LRCH2: variants seen among roughly 807,000 people sequenced by gnomAD.
The protein encoded by LRCH2 is leucine-rich repeat and calponin homology domain-containing protein 2.
Under a neutral mutation model 68.9 loss-of-function variants are expected in LRCH2, and 38 were observed. The observed-to-expected ratio is 0.55, with a 90% confidence interval of 0.43 to 0.72. The LOEUF (loss-of-function observed/expected upper bound fraction) is 0.72, where lower values mean the gene tolerates loss of function less well. Ranked by LOEUF, LRCH2 falls within the 30% of genes least tolerant of loss-of-function variation. The probability of loss-of-function intolerance (pLI) is 0.00; values close to 1 mark genes in which losing one functional copy is unlikely to be tolerated. For missense variants in LRCH2, 528 were observed against 572.9 expected (o/e 0.92, Z 0.80); for synonymous variants, 191 against 208.1 (o/e 0.92, Z 0.71).
chrX:115,204,024 C>T (rs2072948433), intron 1 of LRCH2, among the ~76,000 whole-genome samples: 1 of 113,000 alleles, frequency 8.8e-6, no homozygotes, highest in African/African-American at 3.2e-5. Context: ...TACCATACAG[C>T]TTCTGAAATC....
At chrX:115,132,299 T>G (rs1015265704) in intron 14 of LRCH2, among the ~76,000 whole-genome samples, 1 of 111,877 alleles carries the variant, frequency 8.9e-6, no homozygotes, top group African/African-American at 3.2e-5. Context: ...TTTCTACATA[T>G]GGCTAGCTAG....
intron 14 of LRCH2, among the ~76,000 whole-genome samples, chrX:115,130,707 A>C: frequency 9.0e-6 from 1 of 111,663 alleles, no homozygotes; most frequent in East Asian, 2.8e-4. Flanking sequence ...AAATGTATAT[A>C]TTGATTGTTC....
rs1326573767 is a variant in LRCH2 at position 115,225,036 on chromosome X, G to A, written c.349+8657C>T. Among the ~76,000 whole-genome samples the A allele has an allele frequency of 4.5e-5, 5 of 112,328 alleles. No homozygotes were observed. The South Asian group carries it at 1.8e-3, about 41-fold the overall frequency. Reference sequence around the variant, plus strand: ...GATTCTTCTAGGCCTCTCTGAGCCTGTATTCCTTCCTTCTGACTGTGGGGC... The same window carrying A: ...GATTCTTCTAGGCCTCTCTGAGCCTATATTCCTTCCTTCTGACTGTGGGGC... On this transcript the variant is annotated intron_variant, in intron 1 of 20. Transcript: ENST00000317135.
Position 115,177,046 on chromosome X carries a change from CTTTTTTTTT to C in LRCH2, c.864+2372_864+2380del, listed in dbSNP as rs35686915. 3.0e-3 allele frequency among the ~76,000 whole-genome samples: 198 copies of C among 66,663 alleles called. 1 individual carries two copies. The highest frequency in any genetic ancestry group is 0.012 in the African/African-American group (167 of 14,043). The allele number at this position is 66,663 out of a possible 115,157, so 57.9% of individuals were successfully genotyped here. On this transcript the variant is annotated intron_variant, in intron 5 of 20. Coordinates refer to ENST00000317135, the MANE Select transcript of LRCH2 (RefSeq NM_020871.4). ...ACAAGTGTGAGCCACCGCACCCAGC[CTTTTTTTTT>C]TTTTTTTTTTTTTTTTTTAAAGACA...
At chrX:115,210,401 C>A (rs2072998712) in intron 1 of LRCH2, among the ~76,000 whole-genome samples, 1 of 112,212 alleles carries the variant, frequency 8.9e-6, no homozygotes, top group African/African-American at 3.2e-5. Flanking sequence ...CAAGCCTTGG[C>A]AGCTTCCATG....
chrX:115,227,504 A>G (rs2073126878), intron 1 of LRCH2, among the ~76,000 whole-genome samples: 1 of 109,543 alleles, frequency 9.1e-6, no homozygotes, highest in South Asian at 3.9e-4. Context: ...ATTCTTACAT[A>G]CTCATTAAGG....
chrX:115,191,556 C>G, intron 1 of LRCH2: 1 of 975,578 alleles, frequency 1.0e-6, no homozygotes, highest in African/African-American at 2.9e-5. Flanking sequence ...ATGGAGGAGG[C>G]GGCCGCTACG....
At chrX:115,184,315 T>TA in intron 3 of LRCH2, 96 bp downstream of exon 3, 1 of 744,245 alleles carries the variant, frequency 1.3e-6, no homozygotes, top group Non-Finnish European at 1.8e-6. Flanking sequence ...GTACTTTTTT[T>TA]AAAAATTACA....
intron 2 of LRCH2, among the ~76,000 whole-genome samples, chrX:115,187,437 G>A (rs1231962587): frequency 2.7e-5 from 3 of 111,968 alleles, no homozygotes; most frequent in Non-Finnish European, 5.6e-5. Flanking sequence ...CTTACTGAGT[G>A]TTCATTCTTT....
chrX:115,156,739 C>A, intron 11 of LRCH2, 72 bp from the exon 12 acceptor site: 1 of 582,989 alleles, frequency 1.7e-6, no homozygotes, highest in Non-Finnish European at 2.5e-6. Context: ...AAAAAAATCT[C>A]TAAAATAAAC....
At position 115,110,654 on chromosome X, in the gene LRCH2, T is replaced by C. The variant is rs2072036168; in HGVS notation, c.*2562A>G. 1 of 112,128 alleles carries C rather than the reference T, an allele frequency of 8.9e-6. No individual in the cohort carries two copies. Among genetic ancestry groups the C allele is most frequent in the Admixed American group, 9.6e-5 (1 of 10,463 alleles). The allele number at this position is 112,128 out of a possible 1,213,427, so 9.2% of individuals were successfully genotyped here. A position where few individuals can be genotyped will look rare whatever the true frequency, so the allele number is the denominator to read the frequency against. On this transcript the variant is annotated 3_prime_UTR_variant, in exon 21 of 21. Coordinates refer to ENST00000317135, the MANE Select transcript of LRCH2 (RefSeq NM_020871.4). ...CTTTATCCACAGTTTGCATCGGTAA[T>C]ATACATTTAAGTGTTCCATTTATTT...
At chrX:115,160,149 C>G (rs931630165) in intron 11 of LRCH2, among the ~76,000 whole-genome samples, 1 of 109,895 alleles carries the variant, frequency 9.1e-6, no homozygotes, top group African/African-American at 3.3e-5. Flanking sequence ...AACCCTGTCT[C>G]TACTAAAAAT....
At position 115,149,902 on chromosome X, in the gene LRCH2, C is replaced by T; in HGVS notation, c.1620G>A (p.Trp540Ter). Residue 540 changes from tryptophan (W) to a stop codon, truncating the protein, a stop_gained, in exon 14 of 21, where the codon TGG (tryptophan) becomes TGA (stop). Coordinates refer to ENST00000317135, the MANE Select transcript of LRCH2 (RefSeq NM_020871.4). LOFTEE classifies it high-confidence loss of function. Reference sequence around the variant, plus strand: ...GCCAGATTATAGGGTGAGATTCTGGCCACGGTTGTTCATCTATTTGATCCT... The same window carrying T: ...GCCAGATTATAGGGTGAGATTCTGGTCACGGTTGTTCATCTATTTGATCCT... Reference protein sequence around the residue: ...NQKDQIDEQPWPESHPIIWQS... With the variant: ...NQKDQIDEQP 8.3e-7 allele frequency: 1 copy of T among 1,204,797 alleles called. No homozygotes were observed. Among genetic ancestry groups the T allele is most frequent in the Non-Finnish European group, 1.1e-6 (1 of 891,209 alleles).
chrX:115,135,655 A>G (rs1466386246), intron 14 of LRCH2, among the ~76,000 whole-genome samples: 2 of 111,858 alleles, frequency 1.8e-5, no homozygotes, highest in African/African-American at 3.3e-5. Context: ...GATTGACTCC[A>G]ATTCTGAAAG....
chrX:115,145,146 C>T (rs1230621551), intron 14 of LRCH2, among the ~76,000 whole-genome samples: 1 of 111,416 alleles, frequency 9.0e-6, no homozygotes, highest in Non-Finnish European at 1.9e-5. Flanking sequence ...ACTTCACACA[C>T]CTACAGTGAA....
chrX:115,157,644 ACTT>A (rs1556540159), intron 11 of LRCH2, among the ~76,000 whole-genome samples: 1 of 109,225 alleles, frequency 9.2e-6, no homozygotes, highest in Non-Finnish European at 1.9e-5. Flanking sequence ...AATTAAGGAC[ACTT>A]CTTCTTTGTA....
At chrX:115,128,320 G>A (rs1016032230) in intron 15 of LRCH2, among the ~76,000 whole-genome samples, 19 of 111,646 alleles carry the variant, frequency 1.7e-4, no homozygotes, top group African/African-American at 5.9e-4. Context: ...TGAGGAATAT[G>A]TTCCAAGAAC....
chrX:115,134,831 A>G (rs781831062), intron 14 of LRCH2, among the ~76,000 whole-genome samples: 285 of 99,824 alleles, frequency 2.9e-3, no homozygotes, highest in African/African-American at 9.4e-3. Context: ...ACTAAGTAAT[A>G]ACATATCATA....
chrX:115,222,576 C>A (rs1217191690), intron 1 of LRCH2, among the ~76,000 whole-genome samples: 1 of 112,110 alleles, frequency 8.9e-6, no homozygotes, highest in Non-Finnish European at 1.9e-5. Context: ...TTATAAAAAT[C>A]AATTGTATTT....
Sources: allele counts gnomAD v4.1 joint callset (sites outside exome capture counted in the v4.1 genomes callset), GRCh38; gene constraint gnomAD v4.1.1; transcripts MANE v1.5; gene names NCBI Gene and HGNC (gene_info 2026-07-23, HGNC 2026-07-21).